The following BMP6 variants were observed in gnomAD, a reference collection of about 807,000 sequenced individuals.
BMP6 encodes the protein VG-1-R.
BMP6 carries 17 observed loss-of-function variants against 54.1 expected under a neutral mutation model. The observed-to-expected ratio is 0.31, with a 90% CI of 0.22 to 0.47. The LOEUF (loss-of-function observed/expected upper bound fraction) is 0.47, where lower values mean the gene tolerates loss of function less well. Ranked by LOEUF, BMP6 falls within the 20% of genes least tolerant of loss-of-function variation. The pLI, the probability that BMP6 is intolerant of heterozygous loss-of-function variation, is 1.00. For missense variants in BMP6, 720 were observed against 690.4 expected, an observed-to-expected ratio of 1.04 and a Z score of -0.48; for synonymous variants, 328 against 291.2, an observed-to-expected ratio of 1.13 and a Z score of -1.28.
chr6:7,874,251 A>G (rs917755668), intron 4 of BMP6, among the ~76,000 whole-genome samples: 1 of 152,202 alleles, frequency 6.6e-6, no homozygotes, highest in Non-Finnish European at 1.5e-5. Context: ...GCAGTGGGAA[A>G]TGTCATCTGG....
chr6:7,743,356 CTG>C (rs1757298908), intron 1 of BMP6, among the ~76,000 whole-genome samples: 1 of 152,172 alleles, frequency 6.6e-6, no homozygotes. Context: ...ATCGAAATAT[CTG>C]TGCCCTTTTT....
At chr6:7,830,361 G>A (rs982511246) in intron 1 of BMP6, among the ~76,000 whole-genome samples, 2 of 152,160 alleles carry the variant, frequency 1.3e-5, no homozygotes, top group African/African-American at 2.4e-5. Context: ...AGCCTACTAT[G>A]TGCCAGGTGC....
chr6:7,784,006 C>T (rs1757986222), intron 1 of BMP6, among the ~76,000 whole-genome samples: 1 of 152,188 alleles, frequency 6.6e-6, no homozygotes, highest in Non-Finnish European at 1.5e-5. Flanking sequence ...AAAGCCATGG[C>T]CGATTTCCCC....
At chr6:7,871,664 A>G (rs1376759731) in intron 4 of BMP6, among the ~76,000 whole-genome samples, 2 of 152,180 alleles carry the variant, frequency 1.3e-5, no homozygotes, top group Non-Finnish European at 2.9e-5. Flanking sequence ...TCAACTTTGA[A>G]AAAGCCAGAG....
chr6:7,785,808 G>C (rs1305944494), intron 1 of BMP6, among the ~76,000 whole-genome samples: 5 of 152,136 alleles, frequency 3.3e-5, no homozygotes, highest in Admixed American at 3.3e-4. Flanking sequence ...GAAGAAATAT[G>C]TCCTTCCAAG....
At chr6:7,863,972 A>T (rs1232265010) in intron 4 of BMP6, among the ~76,000 whole-genome samples, 1 of 151,436 alleles carries the variant, frequency 6.6e-6, no homozygotes, top group Admixed American at 6.6e-5. Context: ...GTGAGCCAAG[A>T]TTAAGATTAT....
At chr6:7,741,654 A>G (rs1315864105) in intron 1 of BMP6, among the ~76,000 whole-genome samples, 1 of 152,088 alleles carries the variant, frequency 6.6e-6, no homozygotes, top group Non-Finnish European at 1.5e-5. Flanking sequence ...ACTAGTCTCA[A>G]ACTCCTGGGC....
chr6:7,826,605 A>G (rs1019296874), intron 1 of BMP6, among the ~76,000 whole-genome samples: 1 of 152,216 alleles, frequency 6.6e-6, no homozygotes, highest in African/African-American at 2.4e-5. Flanking sequence ...TTTTGTGGGA[A>G]AGACACTAAT....
intron 1 of BMP6, among the ~76,000 whole-genome samples, chr6:7,766,433 G>A (rs993614290): frequency 6.6e-6 from 1 of 152,158 alleles, no homozygotes; most frequent in African/African-American, 2.4e-5. Flanking sequence ...GGGCAACATA[G>A]TGGGACCCTG....
intron 2 of BMP6, among the ~76,000 whole-genome samples, chr6:7,848,535 G>A (rs144041681): frequency 6.6e-6 from 1 of 152,208 alleles, no homozygotes; most frequent in African/African-American, 2.4e-5. Flanking sequence ...GCCTGTCAAA[G>A]TACCCTAAAA....
intron 1 of BMP6, among the ~76,000 whole-genome samples, chr6:7,838,465 G>A (rs1340521207): frequency 1.3e-5 from 2 of 152,120 alleles, no homozygotes; most frequent in East Asian, 1.9e-4. Context: ...ATTCCAAATA[G>A]TAAATATATG....
chr6:7,760,841 A>G (rs78787947), intron 1 of BMP6, among the ~76,000 whole-genome samples: 2 of 152,238 alleles, frequency 1.3e-5, no homozygotes, highest in Non-Finnish European at 1.5e-5. Flanking sequence ...GAATGCATCA[A>G]AAACGTCTCT....
intron 4 of BMP6, among the ~76,000 whole-genome samples, chr6:7,871,009 C>A (rs973389270): frequency 3.9e-5 from 6 of 152,188 alleles, no homozygotes; most frequent in Non-Finnish European, 7.3e-5. Flanking sequence ...ACTTGCCTGT[C>A]CCACACTGTG....
chr6:7,756,227 A>G (rs1185251619), intron 1 of BMP6, among the ~76,000 whole-genome samples: 1 of 151,666 alleles, frequency 6.6e-6, no homozygotes, highest in African/African-American at 2.4e-5. Flanking sequence ...GTGTTGTCTC[A>G]TTTGGGCAAG....
chr6:7,758,246 G>A (rs941360840), intron 1 of BMP6, among the ~76,000 whole-genome samples: 3 of 152,188 alleles, frequency 2.0e-5, no homozygotes, highest in Non-Finnish European at 4.4e-5. Context: ...TTGTGAATTC[G>A]TACTGAGAAT....
intron 1 of BMP6, among the ~76,000 whole-genome samples, chr6:7,748,606 T>A (rs1757379657): frequency 6.6e-6 from 1 of 152,204 alleles, no homozygotes. Context: ...CCTTGGGGGC[T>A]ATGCCAGTTT....
chr6:7,771,777 A>T (rs991746084), intron 1 of BMP6, among the ~76,000 whole-genome samples: 4 of 152,082 alleles, frequency 2.6e-5, no homozygotes, highest in African/African-American at 4.8e-5. Context: ...TTTAGGTCGG[A>T]TGCGGTGGCT....
intron 1 of BMP6, among the ~76,000 whole-genome samples, chr6:7,739,618 G>A (rs1762012585): frequency 6.6e-6 from 1 of 152,152 alleles, no homozygotes; most frequent in Admixed American, 6.5e-5. Flanking sequence ...TTAGAGCAAT[G>A]TTAACTGAAT....
At chr6:7,822,902 T>G (rs1447296601) in intron 1 of BMP6, among the ~76,000 whole-genome samples, 2 of 82,966 alleles carry the variant, frequency 2.4e-5, no homozygotes, top group Admixed American at 1.2e-4. Flanking sequence ...GCTGGTTGTG[T>G]GTGTGTGTGT....
Sources: gnomAD v4.1 joint callset for allele counts (sites outside exome capture counted in the v4.1 genomes callset) on GRCh38, gnomAD v4.1.1 for gene constraint, MANE v1.5 for transcripts, NCBI Gene and HGNC (gene_info 2026-07-23, HGNC 2026-07-21) for gene names.